SBF1: variants seen among roughly 807,000 people sequenced by gnomAD.
The protein encoded by SBF1 is myotubularin-related protein 5.
A neutral mutation model predicts 215.8 loss-of-function variants in SBF1; 65 were observed. The ratio of observed to expected loss-of-function variants is 0.30; its 90% confidence interval spans 0.25 to 0.37. The LOEUF (loss-of-function observed/expected upper bound fraction) is 0.37. Among genes scored for constraint, SBF1 ranks in the 10% least tolerant of loss-of-function variants. The probability of loss-of-function intolerance (pLI) is 1.00; values close to 1 mark genes in which losing one functional copy is unlikely to be tolerated. For missense variants in SBF1, 2,634 were observed against 2,667.8 expected (o/e 0.99, Z 0.28); for synonymous variants, 1,410 against 1,122.8 (o/e 1.26, Z -5.11).
In SBF1 at chr22:50,455,317, G is replaced by A. The variant is rs770520694; in HGVS notation, c.4461C>T (p.Gly1487=). ...LLVEKEWLSF[G]HRFSHRGAHT... ...GAGCTCCACGGTGGCTGAAGCGATG[G>A]CCGAAGGACAGCCACTCCTTCTCCA... Residue 1487 remains glycine (G), a synonymous_variant, in exon 33 of 41, where the codon GGC becomes GGT. Transcript: ENST00000380817. 13 of 1,613,280 alleles carry A rather than the reference G, an allele frequency of 8.1e-6. No homozygotes were observed. The highest frequency in any genetic ancestry group is 1.1e-5 in the Non-Finnish European group (13 of 1,179,934).
intron 5 of SBF1, chr22:50,467,111 A>G (rs1289145037): frequency 8.4e-6 from 5 of 595,006 alleles, no homozygotes; most frequent in Admixed American, 3.0e-5. Context: ...ACAGGCACAC[A>G]CCATCAAAGG....
rs775377891 is a variant in SBF1, at chr22:50,462,022, G to A, written c.2494C>T (p.Arg832Cys). 12 of 1,614,232 alleles carry A rather than the reference G, an allele frequency of 7.4e-6. No individual in the cohort carries two copies. The highest frequency in any genetic ancestry group is 3.3e-5 in the South Asian group (3 of 91,088). Residue 832 changes from arginine to cysteine, a missense_variant, in exon 20 of 41, where the codon CGC (arginine) becomes TGC (cysteine). Transcript: ENST00000380817. ...TCCGTGCAGACCTTGTCCACAAAGCGGTTGATGAAGCGGACCACAGCCCCA... is the reference window on the plus strand; with the variant it reads ...TCCGTGCAGACCTTGTCCACAAAGCAGTTGATGAAGCGGACCACAGCCCCA... ...VAGAVVRFIN[R>C]FVDKVCTESG...
At chr22:50,449,537 C>T (rs1489172428) in intron 36 of SBF1, among the ~76,000 whole-genome samples, 4 of 151,938 alleles carry the variant, frequency 2.6e-5, no homozygotes, top group Non-Finnish European at 5.9e-5. Context: ...ATCACTTAAA[C>T]TCAGGGGGCG....
rs368067197 is a variant in SBF1 at position 50,461,581 on chromosome 22, G to A, written c.2781C>T (p.Gly927=). The A allele has an allele frequency of 4.5e-5, 72 of 1,611,712 alleles. No homozygotes were observed. The African/African-American group carries it at 6.0e-4, about 13-fold the overall frequency. The change falls in exon 22 of 41, where the codon GGC becomes GGT. Residue 927 remains glycine, a synonymous_variant. Transcript: ENST00000380817. The stretch of plus-strand genomic sequence containing the variant: ...CCCGGTACGTGGTGAGGAAGACGGC[G>A]CCCTCAGCTGGGAGCAATGCTGGTC... ...AGGPALLPAE[G]AVFLTTYRVI... is the part of the protein sequence containing the mutation.
In SBF1 at chr22:50,467,685, C is replaced by T. The variant is rs1340351879; in HGVS notation, c.285G>A (p.Thr95=). The change falls in exon 4 of 41, where the codon ACG becomes ACA. Residue 95 remains threonine, a synonymous_variant. Coordinates refer to ENST00000380817, the MANE Select transcript of SBF1 (RefSeq NM_002972.4). ...TCTCTGTGGCATCCTCCACGCGCGT[C>T]GTTTCCTGCTGGGGGTCAGGGGGAG... is the stretch of plus-strand genomic sequence containing the variant. ...FWEPAEPSQE[T]TRVEDATERE... is the part of the protein sequence containing the mutation. 16 of 1,374,618 alleles carry T rather than the reference C, an allele frequency of 1.2e-5. No homozygotes were observed. The highest frequency in any genetic ancestry group is 3.8e-5 in the East Asian group (1 of 26,216). 85.2% of individuals were successfully genotyped at this position (1,374,618 alleles called of 1,614,324 possible). A position where few individuals can be genotyped will look rare whatever the true frequency, so the allele number is the denominator to read the frequency against.
chr22:50,450,938 T>A (rs1417340239), intron 36 of SBF1, among the ~76,000 whole-genome samples: 1 of 152,128 alleles, frequency 6.6e-6, no homozygotes, highest in Non-Finnish European at 1.5e-5. Context: ...CAAGACCCCA[T>A]CTTTATATAT....
In SBF1 at chr22:50,462,851, C is replaced by T; in HGVS notation, c.1968+19G>A. On this transcript the variant is annotated intron_variant, in intron 17 of 40. Transcript: ENST00000380817. ...GAAGGGGGGGCTGGGAAGGAGACCT[C>T]AGCCATGCCAGCACTCACCCGGCAG... The T allele has an allele frequency of 6.2e-7, 1 of 1,612,898 alleles. No individual in the cohort carries two copies. Among genetic ancestry groups the T allele is most frequent in the Non-Finnish European group, 8.5e-7 (1 of 1,179,770 alleles).
chr22:50,449,658 C>A (rs1026180214), intron 36 of SBF1, among the ~76,000 whole-genome samples: 15 of 108,948 alleles, frequency 1.4e-4, no homozygotes, highest in Admixed American at 1.2e-3. Context: ...ACACACACAC[C>A]CCAAAATGGG....
chr22:50,468,270 C>CG (rs1421063331), intron 2 of SBF1, 106 bp downstream of exon 2: 4 of 1,098,908 alleles, frequency 3.6e-6, no homozygotes, highest in South Asian at 1.4e-5. Context: ...CCTAGCCCAG[C>CG]GGGGGGCCGG....
At chr22:50,461,379 T>G (rs112686399) in intron 22 of SBF1, 93 bp from the exon 23 acceptor site, 9 of 1,508,154 alleles carry the variant, frequency 6.0e-6, no homozygotes, top group Non-Finnish European at 8.0e-6. Flanking sequence ...GAATCCCAAG[T>G]GGGTGGGGAA....
chr22:50,447,721 C>G, intron 38 of SBF1, 112 bp from the exon 39 acceptor site: 1 of 762,278 alleles, frequency 1.3e-6, no homozygotes, highest in Non-Finnish European at 2.2e-6. Context: ...GACCAGGCAC[C>G]CTGTCCCCAG....
chr22:50,473,701 CA>C (rs953879021), intron 1 of SBF1, among the ~76,000 whole-genome samples: 52 of 152,170 alleles, frequency 3.4e-4, no homozygotes, highest in African/African-American at 1.2e-3. Context: ...ACTGGACTGA[CA>C]AAAAACAGGG....
chr22:50,466,950 G>C lies in SBF1; in HGVS notation c.550-240C>G. ...ACTTGGGGGTAGGGATGGGGCCTAGGTGGGCGGAAGAAACAAAGAATCCAT... is the reference window on the plus strand; with the variant it reads ...ACTTGGGGGTAGGGATGGGGCCTAGCTGGGCGGAAGAAACAAAGAATCCAT... On this transcript the variant is annotated intron_variant, in intron 5 of 40. Coordinates refer to ENST00000380817, the MANE Select transcript of SBF1 (RefSeq NM_002972.4). 1.2e-5 allele frequency: 7 copies of C among 561,040 alleles called. No individual in the cohort carries two copies. In the South Asian group the frequency reaches 1.7e-4, roughly 13 times the overall value. 34.8% of individuals were successfully genotyped at this position (561,040 alleles called of 1,614,324 possible).
At chr22:50,448,020 G>T (rs1197285654) in intron 38 of SBF1, among the ~76,000 whole-genome samples, 2 of 152,160 alleles carry the variant, frequency 1.3e-5, no homozygotes, top group African/African-American at 4.8e-5. Flanking sequence ...ACTCACGGGG[G>T]CCCCACCACT....
chr22:50,459,283 G>A lies in SBF1; in HGVS notation c.3798C>T (p.Gly1266=), dbSNP rs1419787512. The change falls in exon 28 of 41, where the codon GGC becomes GGT. Residue 1266 remains glycine (G), a synonymous_variant. Coordinates refer to ENST00000380817, the MANE Select transcript of SBF1 (RefSeq NM_002972.4). ...ADASGRNTLS[G]FSSAHMGSHV... ...GACTGCCCATGTGGGCTGAGGAGAA[G>A]CCGCTAAGCGTGTTGCGTCCCGACG... is the stretch of plus-strand genomic sequence containing the variant. 5 of 1,607,882 alleles carry A rather than the reference G, an allele frequency of 3.1e-6. No individual in the cohort carries two copies. The highest frequency in any genetic ancestry group is 8.5e-7 in the Non-Finnish European group (1 of 1,175,550).
At chr22:50,474,717 G>C (rs953442001) in intron 1 of SBF1, 69 bp downstream of exon 1, 19 of 1,259,682 alleles carry the variant, frequency 1.5e-5, no homozygotes, top group African/African-American at 1.6e-5. Context: ...TCGACCCTCA[G>C]ACCCAGCCCC....
At position 50,464,336 on chromosome 22, in the gene SBF1, G is replaced by A. The variant is rs1347629950; in HGVS notation, c.1742C>T (p.Ala581Val). The change falls in exon 15 of 41, where the codon GCC becomes GTC. Residue 581 changes from alanine (A) to valine (V), a missense_variant. By Grantham distance (64) the Ala-to-Val change is moderately conservative. Transcript: ENST00000380817. ...SYVFEGKMLE[A>V]KKLLPAVLRA... is the part of the protein sequence containing the mutation. ...AGCCTGCACAGCCCTCACCTTCTTG[G>A]CCTCAAGCATTTTCCCCTCAAACAC... 1 of 1,613,362 alleles carries A rather than the reference G, an allele frequency of 6.2e-7. No individual in the cohort carries two copies. Among genetic ancestry groups the A allele is most frequent in the South Asian group, 1.1e-5 (1 of 90,976 alleles).
chr22:50,465,937 C>T (rs544926368), intron 9 of SBF1, 24 bp downstream of exon 9: 15 of 1,612,180 alleles, frequency 9.3e-6, no homozygotes, highest in Middle Eastern at 1.7e-4. Context: ...CCCAAGGCTC[C>T]CGCTTGCCCA....
At chr22:50,470,591 C>T (rs1181158084) in intron 1 of SBF1, among the ~76,000 whole-genome samples, 2 of 152,178 alleles carry the variant, frequency 1.3e-5, no homozygotes, top group Non-Finnish European at 2.9e-5. Context: ...AGCACCCCCT[C>T]CCCTGGGAAA....
Sources: allele counts gnomAD v4.1 joint callset (sites outside exome capture counted in the v4.1 genomes callset), GRCh38; gene constraint gnomAD v4.1.1; transcripts MANE v1.5; gene names NCBI Gene and HGNC (gene_info 2026-07-23, HGNC 2026-07-21).